Variants in SYN3 observed in about 807,000 individuals in gnomAD.
SYN3 encodes synapsin-3.
A neutral mutation model predicts 65.8 loss-of-function variants in SYN3; 35 were observed. The observed-to-expected ratio is 0.53, with a 90% confidence interval of 0.41 to 0.70. SYN3 has a LOEUF of 0.70. Among genes scored for constraint, SYN3 ranks in the 30% least tolerant of loss-of-function variants. SYN3 has a pLI of 0.00. For missense variants in SYN3, 680 were observed against 749.0 expected, an observed-to-expected ratio of 0.91 and a Z score of 1.08; for synonymous variants, 270 against 292.9, an observed-to-expected ratio of 0.92 and a Z score of 0.80.
chr22:32,675,960 T>G (rs2060434326), intron 6 of SYN3, among the ~76,000 whole-genome samples: 1 of 152,060 alleles, frequency 6.6e-6, no homozygotes, highest in Non-Finnish European at 1.5e-5. Context: ...AGGAAATATC[T>G]GTCTTGAAGA....
At position 32,692,142 on chromosome 22, in the gene SYN3, A is replaced by G. The variant is rs1314110677; in HGVS notation, c.712-95406T>C. Among the ~76,000 whole-genome samples the G allele has an allele frequency of 5.7e-5, 8 of 139,520 alleles. No homozygotes were observed. The East Asian group carries it at 1.8e-3, about 32-fold the overall frequency. The allele number at this position is 139,520 out of a possible 152,430, so 91.5% of individuals were successfully genotyped here. ...TTGTTTGTCATTGATACAAAAAAGA[A>G]AAGACAAAAAGACAAAAAAAAAAAA... On this transcript the variant is annotated intron_variant, in intron 6 of 13. Transcript: ENST00000358763.
At chr22:32,650,467 T>C (rs994929328) in intron 6 of SYN3, among the ~76,000 whole-genome samples, 2 of 151,982 alleles carry the variant, frequency 1.3e-5, no homozygotes, top group Admixed American at 6.6e-5. Flanking sequence ...AGTTTCACCA[T>C]GTTGCCCCGG....
intron 6 of SYN3, among the ~76,000 whole-genome samples, chr22:32,695,548 G>C (rs1429722946): frequency 6.6e-6 from 1 of 152,162 alleles, no homozygotes; most frequent in Non-Finnish European, 1.5e-5. Flanking sequence ...ATTCCCATGA[G>C]TATGAGGTCA....
chr22:32,633,897 T>G (rs77846946), intron 6 of SYN3, among the ~76,000 whole-genome samples: 4,690 of 152,012 alleles, frequency 0.031, 97 homozygotes, highest in African/African-American at 0.058. Flanking sequence ...AGTGCTAGGA[T>G]TACAGGTGTG....
chr22:32,610,403 T>G (rs2059426202), intron 6 of SYN3, among the ~76,000 whole-genome samples: 1 of 152,154 alleles, frequency 6.6e-6, no homozygotes, highest in Admixed American at 6.5e-5. Flanking sequence ...ACTCGGTACA[T>G]AGTACCAGTC....
intron 8 of SYN3, among the ~76,000 whole-genome samples, chr22:32,541,225 A>G (rs2058248594): frequency 6.6e-6 from 1 of 152,182 alleles, no homozygotes; most frequent in South Asian, 2.1e-4. Context: ...AGAGAAGAGA[A>G]AAATACTCCA....
At chr22:32,716,935 C>G (rs534566732) in intron 6 of SYN3, among the ~76,000 whole-genome samples, 1 of 152,116 alleles carries the variant, frequency 6.6e-6, no homozygotes, top group East Asian at 1.9e-4. Context: ...GCTGTACAAC[C>G]ATTACCACCA....
At chr22:32,859,896 T>C (rs1215280204) in intron 6 of SYN3, 1 of 167,936 alleles carries the variant, frequency 6.0e-6, no homozygotes, top group Admixed American at 5.7e-5. Flanking sequence ...AAAGATGTTA[T>C]ACACCAGGAG....
chr22:32,961,125 A>G (rs190685115), intron 3 of SYN3, among the ~76,000 whole-genome samples: 1 of 152,286 alleles, frequency 6.6e-6, no homozygotes, highest in Admixed American at 6.5e-5. Flanking sequence ...TGTGTATTGT[A>G]GGAGGTTTAG....
At chr22:32,605,050 T>A (rs986460710) in intron 6 of SYN3, among the ~76,000 whole-genome samples, 3 of 152,178 alleles carry the variant, frequency 2.0e-5, no homozygotes, top group South Asian at 2.1e-4. Flanking sequence ...ATCTTTTTTT[T>A]AACTGTCTGT....
intron 9 of SYN3, 84 bp downstream of exon 9, chr22:32,537,952 C>G: frequency 1.1e-3 from 1,319 of 1,229,878 alleles, no homozygotes; most frequent in Non-Finnish European, 1.4e-3. Context: ...GCGGAGTGGC[C>G]TTCTCTTCAG....
At chr22:32,717,678 TG>T (rs999676251) in intron 6 of SYN3, among the ~76,000 whole-genome samples, 4 of 152,116 alleles carry the variant, frequency 2.6e-5, no homozygotes, top group Non-Finnish European at 5.9e-5. Context: ...ACTCTGCACT[TG>T]AGAACAGCCA....
At chr22:32,888,866 C>G (rs2049365523) in intron 4 of SYN3, among the ~76,000 whole-genome samples, 1 of 152,162 alleles carries the variant, frequency 6.6e-6, no homozygotes, top group Non-Finnish European at 1.5e-5. Context: ...AATCAAAAAC[C>G]CTTCTGGTCT....
intron 7 of SYN3, among the ~76,000 whole-genome samples, chr22:32,542,522 G>A (rs2058272754): frequency 1.3e-5 from 2 of 150,382 alleles, no homozygotes; most frequent in Non-Finnish European, 3.0e-5. Context: ...TGTAGTATGC[G>A]GTGCTTCTGT....
chr22:32,731,905 A>G (rs1569180525), intron 6 of SYN3, among the ~76,000 whole-genome samples: 1 of 152,206 alleles, frequency 6.6e-6, no homozygotes, highest in Non-Finnish European at 1.5e-5. Context: ...ACTAGCTGTG[A>G]ACCAACAATG....
Position 32,801,950 on chromosome 22 carries a change from G to A in SYN3, c.711+62965C>T. On this transcript the variant is annotated intron_variant, in intron 6 of 13. Coordinates refer to ENST00000358763, the MANE Select transcript of SYN3 (RefSeq NM_003490.4). This position sits in a 1 kb window ranked among gnomAD's most constrained non-coding sequence, Gnocchi z 4.7. ...CAGCAGCCCCGCCGGCGGCGCGCACGGCAACTTTGGAGAGGCGAGCAGCAG... is the reference window on the plus strand; with the variant it reads ...CAGCAGCCCCGCCGGCGGCGCGCACAGCAACTTTGGAGAGGCGAGCAGCAG... 1.3e-6 allele frequency: 2 copies of A among 1,552,160 alleles called. No individual in the cohort carries two copies. The highest frequency in any genetic ancestry group is 1.2e-5 in the South Asian group (1 of 84,562).
chr22:32,667,272 TTTCA>T lies in SYN3; in HGVS notation c.712-70540_712-70537del, dbSNP rs1280819953. Among the ~76,000 whole-genome samples, 14 of 152,080 alleles carry T rather than the reference TTTCA, an allele frequency of 9.2e-5. No individual in the cohort carries two copies. In the East Asian group the frequency reaches 2.7e-3, roughly 29 times the overall value. The stretch of plus-strand genomic sequence containing the variant: ...ACTCCCTTCCTCCCTTGCTTCCTTC[TTTCA>T]TTCCTTCCTCCTTCCCTCCCTCCCT... On this transcript the variant is annotated intron_variant, in intron 6 of 13. Coordinates refer to ENST00000358763, the MANE Select transcript of SYN3 (RefSeq NM_003490.4).
At chr22:32,585,750 C>T (rs949179694) in intron 7 of SYN3, among the ~76,000 whole-genome samples, 2 of 152,032 alleles carry the variant, frequency 1.3e-5, no homozygotes, top group African/African-American at 4.8e-5. Flanking sequence ...AGCAGGATGA[C>T]TGTTTCAGTT....
At chr22:32,695,367 A>G (rs542335497) in intron 6 of SYN3, among the ~76,000 whole-genome samples, 2 of 151,686 alleles carry the variant, frequency 1.3e-5, no homozygotes, top group Non-Finnish European at 2.9e-5. Flanking sequence ...CCCATGTTAG[A>G]TCTTGTCTGC....
Sources: gnomAD v4.1 joint callset for allele counts (sites outside exome capture counted in the v4.1 genomes callset) on GRCh38, gnomAD v4.1.1 for gene constraint, Gnocchi (gnomAD v3.1) non-coding constraint, MANE v1.5 for transcripts, NCBI Gene and HGNC (gene_info 2026-07-23, HGNC 2026-07-21) for gene names.